VPS53: variants seen among roughly 807,000 people sequenced by gnomAD.
VPS53 encodes the protein vacuolar protein sorting-associated protein 53 homolog.
In VPS53, 70 loss-of-function variants were observed where a neutral mutation model predicts 107.0. That is an observed-to-expected ratio of 0.65 (90% CI 0.54 to 0.80). The LOEUF (loss-of-function observed/expected upper bound fraction) is 0.80. Among genes scored for constraint, VPS53 ranks in the 30% least tolerant of loss-of-function variants. VPS53 has a pLI of 0.00. For synonymous variants in VPS53, 409 were observed against 393.3 expected (o/e 1.04, Z -0.47); for missense variants, 917 against 1,049.4 (o/e 0.87, Z 1.74).
intron 2 of VPS53, chr17:706,018 T>C (rs1320394017): frequency 2.0e-5 from 3 of 152,198 alleles, no homozygotes; most frequent in Non-Finnish European, 2.9e-5. Context: ...GCTGTCACTG[T>C]ATTTGGCATG....
intron 13 of VPS53, among the ~76,000 whole-genome samples, chr17:564,079 G>A (rs569875895): frequency 4.3e-4 from 66 of 152,060 alleles, no homozygotes; most frequent in African/African-American, 1.6e-3. Flanking sequence ...GCAAAACCCC[G>A]TCTCTACTAA....
chr17:544,011 GAGTGAGGA>G (rs1910963805), intron 17 of VPS53, among the ~76,000 whole-genome samples: 1 of 87,032 alleles, frequency 1.1e-5, no homozygotes, highest in East Asian at 3.7e-4. Context: ...GGGAGGGAGG[GAGTGAGGA>G]AGGCAGGGAG....
intron 1 of VPS53, among the ~76,000 whole-genome samples, chr17:710,899 C>T (rs1027461829): frequency 2.0e-5 from 3 of 149,738 alleles, no homozygotes; most frequent in Non-Finnish European, 4.5e-5. Context: ...GAGCCGAGAT[C>T]ACACCACTAC....
Position 519,864 on chromosome 17 carries a change from A to G in VPS53, c.2290T>C (p.Cys764Arg). 6.4e-7 allele frequency: 1 copy of G among 1,551,742 alleles called. No individual in the cohort carries two copies. Among genetic ancestry groups the G allele is most frequent in the Non-Finnish European group, 8.7e-7 (1 of 1,146,980 alleles). The part of the protein sequence containing the change: ...VDNYIKLLTD[C>R]NTETFQKILD... ...ATCTTCTGAAAGGTTTCTGTGTTGC[A>G]GTCTGTGAGAAGTTTGATGTAGTTG... The change falls in exon 21 of 22, where the codon TGC becomes CGC. Residue 764 changes from cysteine (C) to arginine (R), a missense_variant. Transcript: ENST00000437048. The surrounding 1 kb of genome is among the most constrained non-coding windows in gnomAD (Gnocchi z 5.0).
intron 19 of VPS53, among the ~76,000 whole-genome samples, chr17:527,127 C>T (rs1165354458): frequency 6.6e-6 from 1 of 152,232 alleles, no homozygotes; most frequent in Non-Finnish European, 1.5e-5. Flanking sequence ...TGTGCACATC[C>T]TGCTGCCTAA....
chr17:583,389 G>T (rs12948432), intron 13 of VPS53, among the ~76,000 whole-genome samples: 22,275 of 148,452 alleles, frequency 0.15, 1,961 homozygotes, highest in South Asian at 0.24. Flanking sequence ...GACCTAATGC[G>T]TTCCCAGAGA....
At chr17:603,474 T>C (rs1046653493) in intron 11 of VPS53, among the ~76,000 whole-genome samples, 4 of 152,214 alleles carry the variant, frequency 2.6e-5, no homozygotes, top group African/African-American at 9.6e-5. Context: ...TACACCTGCG[T>C]CTGGTTTTTG....
intron 2 of VPS53, 88 bp downstream of exon 2, chr17:710,445 C>T (rs1973594331): frequency 4.0e-6 from 4 of 998,194 alleles, no homozygotes; most frequent in East Asian, 2.4e-5. Context: ...ATCAAGGGCC[C>T]GTAGATGATC....
chr17:615,246 G>C lies in VPS53; in HGVS notation c.1116+8287C>G, dbSNP rs192959795. Among the ~76,000 whole-genome samples the C allele has an allele frequency of 2.0e-5, 3 of 152,334 alleles. No individual in the cohort carries two copies. In the East Asian group the frequency reaches 5.8e-4, roughly 29 times the overall value. ...AGTAACAGTTACAGCACAGGACATC[G>C]TGAAACTGGTTAAGCAACAAGCCTG... On this transcript the variant is annotated intron_variant, in intron 11 of 21. Transcript: ENST00000437048.
chr17:647,979 G>A (rs1485528801), intron 7 of VPS53, among the ~76,000 whole-genome samples: 2 of 152,216 alleles, frequency 1.3e-5, no homozygotes, highest in South Asian at 2.1e-4. Flanking sequence ...CCGTGAATGC[G>A]TGAATGCTCA....
At position 551,836 on chromosome 17, in the gene VPS53, C is replaced by T. The variant is rs367547075; in HGVS notation, c.1866+36G>A. 4.3e-5 allele frequency: 66 copies of T among 1,539,336 alleles called. 1 individual carries two copies. The highest frequency in any genetic ancestry group is 2.7e-4 in the South Asian group (22 of 82,160). ...AGTAGAAGCCACCTTGGGCTGCTCTCGTTAGTTTGTAGGATGCCATTTCCC... is the reference window on the plus strand; with the variant it reads ...AGTAGAAGCCACCTTGGGCTGCTCTTGTTAGTTTGTAGGATGCCATTTCCC... On this transcript the variant is annotated intron_variant, in intron 17 of 21. Transcript: ENST00000437048.
intron 4 of VPS53, among the ~76,000 whole-genome samples, chr17:672,153 A>ACACTC (rs1193028603): frequency 5.1e-5 from 3 of 58,354 alleles, no homozygotes; most frequent in African/African-American, 1.3e-4. Flanking sequence ...CACACACACA[A>ACACTC]TCTCTCTCTC....
intron 15 of VPS53, among the ~76,000 whole-genome samples, chr17:557,171 G>A (rs1456368753): frequency 6.6e-6 from 1 of 152,100 alleles, no homozygotes. Context: ...AAGCTCTGAG[G>A]AAAAAACTAT....
At chr17:677,271 AAAGAG>A (rs1166496317) in intron 4 of VPS53, among the ~76,000 whole-genome samples, 1 of 152,244 alleles carries the variant, frequency 6.6e-6, no homozygotes, top group African/African-American at 2.4e-5. Context: ...TTCACCCGTA[AAAGAG>A]AAGAAAGTGC....
intron 7 of VPS53, among the ~76,000 whole-genome samples, chr17:639,971 T>C (rs896560741): frequency 6.6e-6 from 1 of 152,238 alleles, no homozygotes; most frequent in Non-Finnish European, 1.5e-5. Flanking sequence ...CTGCTGCCTT[T>C]TGTTTGGCTA....
chr17:587,948 C>T (rs1487748182), intron 12 of VPS53, among the ~76,000 whole-genome samples: 1 of 152,176 alleles, frequency 6.6e-6, no homozygotes, highest in African/African-American at 2.4e-5. Flanking sequence ...GCCCTCACCA[C>T]CATCAAGGCA....
At chr17:650,843 G>A (rs1396202380) in intron 7 of VPS53, among the ~76,000 whole-genome samples, 1 of 152,272 alleles carries the variant, frequency 6.6e-6, no homozygotes, top group Non-Finnish European at 1.5e-5. Context: ...GGTATGTCAC[G>A]CTATGGGGTT....
At chr17:564,609 G>A (rs1442222344) in intron 13 of VPS53, among the ~76,000 whole-genome samples, 1 of 151,806 alleles carries the variant, frequency 6.6e-6, no homozygotes, top group Non-Finnish European at 1.5e-5. Flanking sequence ...TACTTGGAAG[G>A]CTGAGACCTG....
At chr17:702,541 C>T (rs1023737977) in intron 2 of VPS53, among the ~76,000 whole-genome samples, 1 of 152,066 alleles carries the variant, frequency 6.6e-6, no homozygotes, top group African/African-American at 2.4e-5. Context: ...TGGCAGGTGC[C>T]TGTAATCCCA....
Sources: gnomAD v4.1 joint callset for allele counts (sites outside exome capture counted in the v4.1 genomes callset) on GRCh38, gnomAD v4.1.1 for gene constraint, Gnocchi (gnomAD v3.1) non-coding constraint, MANE v1.5 for transcripts, NCBI Gene and HGNC (gene_info 2026-07-23, HGNC 2026-07-21) for gene names.